Variants in ATP13A5 observed in about 807,000 individuals in gnomAD.
ATP13A5 encodes the protein probable cation-transporting ATPase 13A5.
A neutral mutation model predicts 150.2 loss-of-function variants in ATP13A5; 149 were observed. The observed-to-expected ratio is 0.99, with a 90% confidence interval of 0.87 to 1.14. The LOEUF (loss-of-function observed/expected upper bound fraction) is 1.14. Among genes scored for constraint, ATP13A5 ranks in the 50% most tolerant of loss-of-function variants. The pLI is 0.00. For synonymous variants in ATP13A5, 497 were observed against 522.2 expected (o/e 0.95, Z 0.66); for missense variants, 1,383 against 1,449.3 (o/e 0.95, Z 0.74).
chr3:193,282,274 T>C (rs773970570), intron 27 of ATP13A5, among the ~76,000 whole-genome samples: 1 of 152,228 alleles, frequency 6.6e-6, no homozygotes, highest in Non-Finnish European at 1.5e-5. Flanking sequence ...AAATTATTCA[T>C]GTATAACAAC....
chr3:193,371,158 AT>A (rs751423812), intron 1 of ATP13A5, among the ~76,000 whole-genome samples: 2 of 152,192 alleles, frequency 1.3e-5, no homozygotes, highest in African/African-American at 2.4e-5. Flanking sequence ...TTTGCCCTAG[AT>A]CAAGGGCATG....
chr3:193,315,346 T>C (rs12634728), intron 17 of ATP13A5, among the ~76,000 whole-genome samples: 1 of 152,186 alleles, frequency 6.6e-6, no homozygotes, highest in African/African-American at 2.4e-5. Context: ...TTAAAAACAA[T>C]GTGCTTATCT....
At chr3:193,307,421 A>T in intron 21 of ATP13A5, 52 bp from the exon 22 acceptor site, 11 of 1,597,358 alleles carry the variant, frequency 6.9e-6, no homozygotes, top group Non-Finnish European at 9.4e-6. Flanking sequence ...TGAACAGCTC[A>T]CTTGAATATT....
chr3:193,290,189 AC>A lies in ATP13A5; in HGVS notation c.2849-131del, dbSNP rs1413400946. 13 of 879,196 alleles carry A rather than the reference AC, an allele frequency of 1.5e-5. No homozygotes were observed. In the Admixed American group the frequency reaches 4.3e-4, roughly 29 times the overall value. The allele number at this position is 879,196 out of a possible 1,614,324, so 54.5% of individuals were successfully genotyped here. ...AAGCAAACACGAACAGAAGATTTAC[AC>A]CTAGGTAAGCACATTGCCTGGTGGC... On this transcript the variant is annotated intron_variant, in intron 25 of 29. Transcript: ENST00000342358.
intron 23 of ATP13A5, among the ~76,000 whole-genome samples, chr3:193,304,199 G>A (rs779122910): frequency 3.3e-5 from 5 of 152,106 alleles, no homozygotes; most frequent in African/African-American, 7.2e-5. Flanking sequence ...GGAGTTACAC[G>A]CACTCTAAGG....
At chr3:193,284,171 G>C (rs960724089) in intron 27 of ATP13A5, among the ~76,000 whole-genome samples, 9 of 151,626 alleles carry the variant, frequency 5.9e-5, no homozygotes, top group Non-Finnish European at 8.8e-5. Context: ...ATAGGCAAGA[G>C]CCACCATGCC....
intron 6 of ATP13A5, among the ~76,000 whole-genome samples, chr3:193,353,546 A>G (rs1712651155): frequency 6.6e-6 from 1 of 152,088 alleles, no homozygotes; most frequent in African/African-American, 2.4e-5. Flanking sequence ...TGAAGCCCTA[A>G]CCCCCAGTGT....
intron 7 of ATP13A5, among the ~76,000 whole-genome samples, chr3:193,348,056 C>T (rs764883128): frequency 5.3e-5 from 8 of 152,178 alleles, no homozygotes; most frequent in Non-Finnish European, 1.2e-4. Flanking sequence ...TTCTACTTCT[C>T]CCAACAACAC....
Position 193,321,771 on chromosome 3 carries a change from C to T in ATP13A5, c.1825G>A (p.Val609Met), listed in dbSNP as rs146244383. The T allele has an allele frequency of 2.2e-5, 36 of 1,614,190 alleles. No homozygotes were observed. The highest frequency in any genetic ancestry group is 1.7e-4 in the Middle Eastern group (1 of 6,060). The change falls in exon 16 of 30, where the codon GTG becomes ATG. Residue 609 changes from valine (V) to methionine (M), a missense_variant. Coordinates refer to ENST00000342358, the MANE Select transcript of ATP13A5 (RefSeq NM_198505.4). Reference sequence around the variant, plus strand: ...TTCTCCCCAGCTAGCTGAGCGATCACGGACATCCTCTGCAGGCTCGAGGAA... The same window carrying T: ...TTCTCCCCAGCTAGCTGAGCGATCATGGACATCCTCTGCAGGCTCGAGGAA... ...PFSSSLQRMS[V>M]IAQLAGENHF...
rs781534573 is a variant in ATP13A5, at chr3:193,307,373, C to T, written c.2526-4G>A. On this transcript the variant is annotated splice_region_variant and splice_polypyrimidine_tract_variant and intron_variant, in intron 21 of 29. Transcript: ENST00000342358. Reference sequence around the variant, plus strand: ...TCCACACATGCCCACATAATAACTGCGGGAGACAGGAGAAGAAGGATTAAT... The same window carrying T: ...TCCACACATGCCCACATAATAACTGTGGGAGACAGGAGAAGAAGGATTAAT... The T allele has an allele frequency of 1.4e-4, 224 of 1,613,492 alleles. No individual in the cohort carries two copies. Among genetic ancestry groups the T allele is most frequent in the Non-Finnish European group, 1.7e-4 (204 of 1,179,798 alleles).
rs1296781003 is a variant in ATP13A5 at position 193,276,497 on chromosome 3, G to C, written c.3396+253C>G. ...AAAAGTGCAATACAGTGCATTCATG[G>C]AAGCAAAATTAGAGTTCATACATGT... On this transcript the variant is annotated intron_variant, in intron 29 of 29. Transcript: ENST00000342358. Among the ~76,000 whole-genome samples, 4 of 152,126 alleles carry C rather than the reference G, an allele frequency of 2.6e-5. No individual in the cohort carries two copies. In the East Asian group the frequency reaches 7.7e-4, roughly 29 times the overall value.
At chr3:193,334,054 A>G in intron 10 of ATP13A5, 147 bp from the exon 11 acceptor site, 1 of 699,488 alleles carries the variant, frequency 1.4e-6, no homozygotes, top group Non-Finnish European at 2.2e-6. Flanking sequence ...GGTTTTCATG[A>G]TTTTTAACCA....
intron 5 of ATP13A5, among the ~76,000 whole-genome samples, chr3:193,355,900 C>T (rs1577368402): frequency 6.6e-6 from 1 of 152,302 alleles, no homozygotes; most frequent in East Asian, 1.9e-4. Context: ...TAAATGCCTA[C>T]TCAGCCTCGG....
chr3:193,368,422 G>GTGTGTGTGTGTGTGTGTGT, intron 1 of ATP13A5, among the ~76,000 whole-genome samples: 1 of 150,854 alleles, frequency 6.6e-6, no homozygotes, highest in Non-Finnish European at 1.5e-5. Flanking sequence ...GTGTGTGTGT[G>GTGTGTGTGTGTGTGTGTGT]GTAATTGACA....
rs547512931 is a variant in ATP13A5, at chr3:193,274,817, A to T, written c.*225T>A. ...TATGCAAAATGAATACAGTTTATTG[A>T]AAAGGATGATACAGGAAATGCATTT... On this transcript the variant is annotated 3_prime_UTR_variant, in exon 30 of 30. Transcript: ENST00000342358. The T allele has an allele frequency of 1.7e-6, 1 of 599,738 alleles. No homozygotes were observed. The highest frequency in any genetic ancestry group is 2.9e-6 in the Non-Finnish European group (1 of 347,514). The allele number at this position is 599,738 out of a possible 1,614,324, so 37.2% of individuals were successfully genotyped here.
At chr3:193,299,261 T>A in intron 24 of ATP13A5, 58 bp from the exon 25 acceptor site, 1 of 1,364,990 alleles carries the variant, frequency 7.3e-7, no homozygotes, top group East Asian at 2.3e-5. Flanking sequence ...GCCTATTTAT[T>A]ATTCCCTACA....
At chr3:193,287,799 G>A (rs1717780752) in intron 26 of ATP13A5, among the ~76,000 whole-genome samples, 1 of 152,112 alleles carries the variant, frequency 6.6e-6, no homozygotes, top group Non-Finnish European at 1.5e-5. Flanking sequence ...AGCTGCCATA[G>A]AGAGTGATTC....
intron 26 of ATP13A5, among the ~76,000 whole-genome samples, chr3:193,287,347 C>A (rs1717763486): frequency 6.6e-6 from 1 of 152,098 alleles, no homozygotes; most frequent in Admixed American, 6.6e-5. Context: ...AGAGATAAGT[C>A]AATAACTGGA....
chr3:193,294,603 T>G (rs1160793019), intron 25 of ATP13A5, among the ~76,000 whole-genome samples: 1 of 152,036 alleles, frequency 6.6e-6, no homozygotes, highest in Admixed American at 6.6e-5. Context: ...AAATCAAATA[T>G]GTGATGGTAT....
Sources: allele counts gnomAD v4.1 joint callset (sites outside exome capture counted in the v4.1 genomes callset), GRCh38; gene constraint gnomAD v4.1.1; transcripts MANE v1.5; gene names NCBI Gene and HGNC (gene_info 2026-07-23, HGNC 2026-07-21).